WDR89: variants seen among roughly 807,000 people sequenced by gnomAD.
WDR89 encodes WD repeat domain 89, also known as WD repeat-containing protein 89.
WDR89 carries 17 observed loss-of-function variants against 29.1 expected under a neutral mutation model. The observed-to-expected ratio is 0.58, with a 90% CI of 0.40 to 0.88. The LOEUF (loss-of-function observed/expected upper bound fraction) is 0.88, where lower values mean the gene tolerates loss of function less well. Ranked by LOEUF, WDR89 falls within the 40% of genes least tolerant of loss-of-function variation. The pLI, the probability that WDR89 is intolerant of heterozygous loss-of-function variation, is 0.00. For missense variants in WDR89, 396 were observed against 456.3 expected, an observed-to-expected ratio of 0.87 and a Z score of 1.20; for synonymous variants, 138 against 157.8, an observed-to-expected ratio of 0.87 and a Z score of 0.94.
chr14:63,639,560 T>C (rs747851378), intron 1 of WDR89, among the ~76,000 whole-genome samples: 1 of 152,178 alleles, frequency 6.6e-6, no homozygotes, highest in Admixed American at 6.5e-5. Flanking sequence ...CTTTTGACAG[T>C]TTGGCGATAA....
chr14:63,602,632 C>T (rs1398450130), intron 2 of WDR89, among the ~76,000 whole-genome samples: 1 of 148,878 alleles, frequency 6.7e-6, no homozygotes, highest in East Asian at 2.1e-4. Context: ...ATTAGCCAGG[C>T]GTGGTGGCAC....
chr14:63,631,826 T>C (rs528933629), intron 1 of WDR89, among the ~76,000 whole-genome samples: 1 of 152,126 alleles, frequency 6.6e-6, no homozygotes, highest in East Asian at 1.9e-4. Context: ...AGAAAGTAAA[T>C]CCAGGCCAGG....
intron 2 of WDR89, among the ~76,000 whole-genome samples, chr14:63,608,236 A>G (rs1376133570): frequency 6.6e-6 from 1 of 152,020 alleles, no homozygotes; most frequent in Non-Finnish European, 1.5e-5. Flanking sequence ...AAACAAACAA[A>G]AAACAACTTA....
At chr14:63,639,127 G>A (rs561094450) in intron 1 of WDR89, among the ~76,000 whole-genome samples, 2 of 152,202 alleles carry the variant, frequency 1.3e-5, no homozygotes, top group African/African-American at 4.8e-5. Context: ...GTAAGGAAAT[G>A]GATTTTCTTC....
At chr14:63,635,064 T>C (rs901876026) in intron 1 of WDR89, among the ~76,000 whole-genome samples, 4 of 151,002 alleles carry the variant, frequency 2.6e-5, no homozygotes, top group African/African-American at 7.3e-5. Flanking sequence ...ATTCAAAGAA[T>C]TGGTACCAAT....
chr14:63,632,965 A>G (rs1435144550), intron 1 of WDR89, among the ~76,000 whole-genome samples: 5 of 152,208 alleles, frequency 3.3e-5, no homozygotes, highest in Non-Finnish European at 7.3e-5. Flanking sequence ...GAATGGGTAT[A>G]GAGTCAGACT....
chr14:63,638,085 C>T (rs550073871), intron 1 of WDR89, among the ~76,000 whole-genome samples: 216 of 152,238 alleles, frequency 1.4e-3, no homozygotes, highest in Non-Finnish European at 1.8e-3. Context: ...GCTGGGACTA[C>T]AGGCACGCAC....
At position 63,599,960 on chromosome 14, in the gene WDR89, AG is replaced by A. The variant is rs1566788482; in HGVS notation, c.-19del. The A allele has an allele frequency of 1.3e-6, 2 of 1,526,596 alleles. No homozygotes were observed. 94.6% of individuals were successfully genotyped at this position (1,526,596 alleles called of 1,614,324 possible). A position where few individuals can be genotyped will look rare whatever the true frequency, so the allele number is the denominator to read the frequency against. On this transcript the variant is annotated 5_prime_UTR_variant, in exon 3 of 3. Coordinates refer to ENST00000620954, the MANE Select transcript of WDR89 (RefSeq NM_080666.4). ...TTTTCCATGTCAACAGCAGCATCCAAGGGTAGTAAAACTCTGTAAAAAATAA... is the reference window on the plus strand; with the variant it reads ...TTTTCCATGTCAACAGCAGCATCCAAGGTAGTAAAACTCTGTAAAAAATAA...
chr14:63,630,223 C>G (rs539005834), intron 1 of WDR89, among the ~76,000 whole-genome samples: 1 of 151,318 alleles, frequency 6.6e-6, no homozygotes, highest in Non-Finnish European at 1.5e-5. Flanking sequence ...GCTGGGATTA[C>G]AGGCGTGAGC....
intron 2 of WDR89, among the ~76,000 whole-genome samples, chr14:63,608,099 G>A (rs927879814): frequency 1.3e-5 from 2 of 152,018 alleles, no homozygotes; most frequent in South Asian, 2.1e-4. Context: ...CCAGCTACTC[G>A]GGAGGCTGAG....
Position 63,604,204 on chromosome 14 carries a change from T to G in WDR89, c.-31-4231A>C, listed in dbSNP as rs530290564. Among the ~76,000 whole-genome samples, 34 of 152,304 alleles carry G rather than the reference T, an allele frequency of 2.2e-4. 1 individual carries two copies. In the South Asian group the frequency reaches 3.3e-3, roughly 15 times the overall value. ...TGTTGAGAAGCCAGGGCAGGCAGAT[T>G]GCTTGAGCCCAGGGGTTCGAGACCA... On this transcript the variant is annotated intron_variant, in intron 2 of 2. Coordinates refer to ENST00000620954, the MANE Select transcript of WDR89 (RefSeq NM_080666.4).
chr14:63,630,110 G>A, intron 1 of WDR89, among the ~76,000 whole-genome samples: 1 of 151,960 alleles, frequency 6.6e-6, no homozygotes, highest in East Asian at 2.0e-4. Context: ...ACCATGCCCG[G>A]CTAATTTTTG....
intron 2 of WDR89, among the ~76,000 whole-genome samples, chr14:63,613,237 G>A (rs190904264): frequency 2.6e-5 from 4 of 152,158 alleles, no homozygotes; most frequent in East Asian, 1.9e-4. Flanking sequence ...GTCAATCAGC[G>A]GTGAACAGAT....
intron 1 of WDR89, among the ~76,000 whole-genome samples, chr14:63,637,875 C>CA (rs986760384): frequency 6.6e-6 from 1 of 151,962 alleles, no homozygotes; most frequent in African/African-American, 2.4e-5. Context: ...ATACGTGCAC[C>CA]AAAATCTCAC....
chr14:63,613,580 T>C lies in WDR89; in HGVS notation c.-32+11348A>G, dbSNP rs544451843. ...GTGCAGTGGCGTGATCTCGGCTCACTGCAACCTCCACCTCCTGGATTCAAG... is the reference window on the plus strand; with the variant it reads ...GTGCAGTGGCGTGATCTCGGCTCACCGCAACCTCCACCTCCTGGATTCAAG... On this transcript the variant is annotated intron_variant, in intron 2 of 2. Transcript: ENST00000620954. Among the ~76,000 whole-genome samples, 25 of 151,276 alleles carry C rather than the reference T, an allele frequency of 1.7e-4. No individual in the cohort carries two copies. In the South Asian group the frequency reaches 4.6e-3, roughly 28 times the overall value.
At chr14:63,636,945 C>T (rs1041226603) in intron 1 of WDR89, among the ~76,000 whole-genome samples, 1 of 152,078 alleles carries the variant, frequency 6.6e-6, no homozygotes, top group Non-Finnish European at 1.5e-5. Context: ...AGCTTTTGCA[C>T]AGCAAAAGGA....
chr14:63,616,091 A>C (rs1025228948), intron 2 of WDR89, among the ~76,000 whole-genome samples: 1 of 151,984 alleles, frequency 6.6e-6, no homozygotes, highest in Non-Finnish European at 1.5e-5. Flanking sequence ...AAATTTAGCT[A>C]ATTTTTGTAT....
At chr14:63,629,525 G>A (rs768653925) in intron 1 of WDR89, among the ~76,000 whole-genome samples, 7 of 152,104 alleles carry the variant, frequency 4.6e-5, no homozygotes, top group Admixed American at 6.6e-5. Flanking sequence ...TTGACTTAGC[G>A]TTCAGGATCT....
chr14:63,627,123 AACACACAC>A (rs756971522), intron 1 of WDR89, among the ~76,000 whole-genome samples: 2 of 122,788 alleles, frequency 1.6e-5, no homozygotes, highest in African/African-American at 5.9e-5. Context: ...TTTGTCTCTA[AACACACAC>A]ACACACACAC....
Sources: allele counts gnomAD v4.1 joint callset (sites outside exome capture counted in the v4.1 genomes callset), GRCh38; gene constraint gnomAD v4.1.1; transcripts MANE v1.5; gene names NCBI Gene and HGNC (gene_info 2026-07-23, HGNC 2026-07-21).